The following CMKLR2 variants were observed in gnomAD, a reference collection of about 807,000 sequenced individuals.
CMKLR2 encodes the protein chemerin chemokine-like receptor 2.
In CMKLR2, 18 loss-of-function variants were observed where a neutral mutation model predicts 23.0. That is an observed-to-expected ratio of 0.78 (90% CI 0.54 to 1.16). The LOEUF is 1.16. CMKLR2 is among the 50% of genes most tolerant of loss of function. CMKLR2 has a pLI of 0.00. For synonymous variants in CMKLR2, 158 were observed against 158.9 expected (o/e 0.99, Z 0.05); for missense variants, 401 against 412.7 (o/e 0.97, Z 0.25).
At chr2:206,208,546 C>A (rs1018163066) in intron 1 of CMKLR2, among the ~76,000 whole-genome samples, 1 of 151,752 alleles carries the variant, frequency 6.6e-6, no homozygotes, top group Non-Finnish European at 1.5e-5. Flanking sequence ...AATAAACAAA[C>A]AAATGTTATG....
intron 1 of CMKLR2, among the ~76,000 whole-genome samples, chr2:206,212,030 C>A (rs1159457505): frequency 1.3e-5 from 2 of 152,058 alleles, no homozygotes; most frequent in African/African-American, 2.4e-5. Flanking sequence ...GATAACAAAT[C>A]TAAGAGGGAA....
chr2:206,200,984 CTCTT>C (rs1689076897), intron 1 of CMKLR2, among the ~76,000 whole-genome samples: 1 of 152,134 alleles, frequency 6.6e-6, no homozygotes, highest in Non-Finnish European at 1.5e-5. Flanking sequence ...TAGGGTCTCA[CTCTT>C]TCTCCCATGT....
intron 1 of CMKLR2, among the ~76,000 whole-genome samples, chr2:206,207,371 C>A (rs1329784672): frequency 3.3e-5 from 5 of 152,070 alleles, no homozygotes; most frequent in African/African-American, 9.7e-5. Flanking sequence ...AACTCCTGAC[C>A]TTAGGTGATC....
At chr2:206,179,768 T>C (rs1688353999) in intron 1 of CMKLR2, among the ~76,000 whole-genome samples, 1 of 152,168 alleles carries the variant, frequency 6.6e-6, no homozygotes, top group Non-Finnish European at 1.5e-5. Flanking sequence ...TCTGTAGTAT[T>C]GAATGAAGAT....
chr2:206,209,339 CAA>C (rs112877056), intron 1 of CMKLR2, among the ~76,000 whole-genome samples: 8 of 117,300 alleles, frequency 6.8e-5, no homozygotes, highest in Admixed American at 8.6e-5. Flanking sequence ...ACTCTGTCTC[CAA>C]AAAAAAAAAA....
upstream of CMKLR2, among the ~76,000 whole-genome samples, chr2:206,214,801 T>C (rs1435746174): frequency 6.6e-6 from 1 of 151,432 alleles, no homozygotes; most frequent in African/African-American, 2.4e-5. Context: ...TTTTTTTTTG[T>C]ATTTTAGTAG....
intron 1 of CMKLR2, among the ~76,000 whole-genome samples, chr2:206,184,208 A>C (rs189798810): frequency 1.3e-5 from 2 of 151,744 alleles, no homozygotes; most frequent in East Asian, 3.9e-4. Flanking sequence ...TTATATAAAC[A>C]CACCAGTCAT....
chr2:206,182,895 G>A (rs549980702), intron 1 of CMKLR2, among the ~76,000 whole-genome samples: 33 of 152,106 alleles, frequency 2.2e-4, no homozygotes, highest in African/African-American at 8.0e-4. Flanking sequence ...TGCGATTACA[G>A]GAGTGAGCCA....
intron 1 of CMKLR2, among the ~76,000 whole-genome samples, chr2:206,191,636 C>A (rs957303947): frequency 2.6e-5 from 4 of 151,172 alleles, no homozygotes; most frequent in Non-Finnish European, 4.4e-5. Context: ...AAATATTATA[C>A]TGTATAGTAC....
In CMKLR2 at chr2:206,191,316, G is replaced by A. The variant is rs112031589; in HGVS notation, c.-28-14041C>T. On this transcript the variant is annotated intron_variant, in intron 1 of 1. Transcript: ENST00000621141. ...AGTGCCTGGCACACAAAGCATGCTC[G>A]ATAATTGTAGGTATTGATCATTACC... is the stretch of plus-strand genomic sequence containing the variant. 5.3e-3 allele frequency among the ~76,000 whole-genome samples: 811 copies of A among 152,252 alleles called. 7 individuals are homozygous for A. The highest frequency in any genetic ancestry group is 0.018 in the African/African-American group (768 of 41,552).
chr2:206,208,967 A>G (rs1689438313), intron 1 of CMKLR2, among the ~76,000 whole-genome samples: 1 of 152,216 alleles, frequency 6.6e-6, no homozygotes, highest in African/African-American at 2.4e-5. Flanking sequence ...CATTAGGCCC[A>G]GCCTTCTATT....
intron 1 of CMKLR2, among the ~76,000 whole-genome samples, chr2:206,180,145 T>C (rs1020013336): frequency 7.9e-5 from 12 of 152,110 alleles, no homozygotes; most frequent in Admixed American, 6.5e-4. Flanking sequence ...CAATTTATAA[T>C]AAAATGATAG....
rs1688227099 is a variant in CMKLR2, at chr2:206,176,678, A to G, written c.570T>C (p.Asn190=). The part of the protein sequence containing the change: ...EFNNHTLCYN[N]FQKHDPDLTL... ...TGAGGTCAGGATCATGCTTCTGAAAATTGTTATAGCAAAGAGTATGATTAT... is the reference window on the plus strand; with the variant it reads ...TGAGGTCAGGATCATGCTTCTGAAAGTTGTTATAGCAAAGAGTATGATTAT... Residue 190 remains asparagine, a synonymous_variant, in exon 2 of 2, where the codon AAT becomes AAC. Transcript: ENST00000621141. 2 of 1,614,212 alleles carry G rather than the reference A, an allele frequency of 1.2e-6. No individual in the cohort carries two copies. Among genetic ancestry groups the G allele is most frequent in the Admixed American group, 1.7e-5 (1 of 60,020 alleles).
intron 1 of CMKLR2, among the ~76,000 whole-genome samples, chr2:206,211,828 CT>C (rs370176400): frequency 6.7e-4 from 71 of 106,382 alleles, no homozygotes; most frequent in African/African-American, 1.7e-3. Flanking sequence ...ATCTGAGTCA[CT>C]TTTTTTTTTT....
intron 1 of CMKLR2, chr2:206,203,601 C>G (rs1433923211): frequency 1.3e-5 from 2 of 152,246 alleles, no homozygotes; most frequent in Non-Finnish European, 1.5e-5. Flanking sequence ...CGCGCCCCTT[C>G]CCACAGACCT....
chr2:206,177,131 C>A lies in CMKLR2; in HGVS notation c.117G>T (p.Trp39Cys). Residue 39 changes from tryptophan (W) to cysteine (C), a missense_variant, in exon 2 of 2, where the codon TGG becomes TGT. Transcript: ENST00000621141. Reference protein sequence around the residue: ...EEKVQLGVVHWVSLVLYCLAF... With the variant: ...EEKVQLGVVHCVSLVLYCLAF... ...CCAAACAATATAACACCAGGGAGAC[C>A]CAGTGAACAACTCCCAGCTGGACTT... 6.2e-7 allele frequency: 1 copy of A among 1,614,006 alleles called. No homozygotes were observed. The highest frequency in any genetic ancestry group is 8.5e-7 in the Non-Finnish European group (1 of 1,179,906).
At chr2:206,215,548 G>A (rs184486753), upstream of CMKLR2, among the ~76,000 whole-genome samples, 57 of 152,278 alleles carry the variant, frequency 3.7e-4, no homozygotes, top group East Asian at 0.011. Flanking sequence ...GAAAGTGTAA[G>A]CATTTTTATG....
chr2:206,180,364 AG>A (rs894882920), intron 1 of CMKLR2, among the ~76,000 whole-genome samples: 9 of 151,898 alleles, frequency 5.9e-5, no homozygotes, highest in African/African-American at 1.9e-4. Flanking sequence ...GGGTAAGTAC[AG>A]GTGACCCTTG....
intron 1 of CMKLR2, among the ~76,000 whole-genome samples, chr2:206,191,113 T>G (rs1430550369): frequency 6.6e-6 from 1 of 152,214 alleles, no homozygotes; most frequent in African/African-American, 2.4e-5. Context: ...GGTTGTAGAA[T>G]TAGACTGCCT....
Sources: gnomAD v4.1 joint callset for allele counts (sites outside exome capture counted in the v4.1 genomes callset) on GRCh38, gnomAD v4.1.1 for gene constraint, MANE v1.5 for transcripts, NCBI Gene and HGNC (gene_info 2026-07-23, HGNC 2026-07-21) for gene names.